NAALADL2: variants seen among roughly 807,000 people sequenced by gnomAD.
NAALADL2 encodes the protein N-acetylated alpha-linked acidic dipeptidase like 2.
Under a neutral mutation model 87.2 loss-of-function variants are expected in NAALADL2, and 76 were observed. The ratio of observed to expected loss-of-function variants is 0.87; its 90% confidence interval spans 0.72 to 1.05. NAALADL2 has a LOEUF of 1.05. Ranked by LOEUF, NAALADL2 falls within the 50% of genes least tolerant of loss-of-function variation. NAALADL2 has a pLI of 0.00. For synonymous variants in NAALADL2, 354 were observed against 331.0 expected (o/e 1.07, Z -0.75); for missense variants, 1,089 against 945.8 (o/e 1.15, Z -1.99).
In NAALADL2 at chr3:175,096,945, G is replaced by A. The variant is rs575042775; in HGVS notation, c.199G>A (p.Asp67Asn). The A allele has an allele frequency of 1.2e-5, 20 of 1,613,366 alleles. No individual in the cohort carries two copies. The highest frequency in any genetic ancestry group is 1.5e-5 in the Non-Finnish European group (18 of 1,179,650). Residue 67 changes from aspartate to asparagine, a missense_variant, in exon 2 of 14, where the codon GAC becomes AAC. Asp to Asn is a conservative substitution (Grantham distance 23, BLOSUM62 1). Coordinates refer to ENST00000454872, the MANE Select transcript of NAALADL2 (RefSeq NM_207015.3). The part of the protein sequence containing the change: ...EESGFDQFQL[D>N]GAENQNLGHS... Reference sequence around the variant, plus strand: ...GTCTGGTTTTGACCAATTCCAGCTAGACGGTGCTGAGAATCAGAACCTAGG... The same window carrying A: ...GTCTGGTTTTGACCAATTCCAGCTAAACGGTGCTGAGAATCAGAACCTAGG...
At chr3:175,467,674 C>T (rs1181661317) in intron 8 of NAALADL2, among the ~76,000 whole-genome samples, 2 of 152,094 alleles carry the variant, frequency 1.3e-5, no homozygotes, top group African/African-American at 4.8e-5. Context: ...TTTACCACTC[C>T]ACTCTTTCAC....
At position 175,343,587 on chromosome 3, in the gene NAALADL2, C is replaced by A. The variant is rs1762786715; in HGVS notation, c.1090+19262C>A. On this transcript the variant is annotated intron_variant, in intron 5 of 13. Coordinates refer to ENST00000454872, the MANE Select transcript of NAALADL2 (RefSeq NM_207015.3). Reference sequence around the variant, plus strand: ...GGTGATTTCTAGTTCACTGCGCCACCTGGTCTTTCATGCATTATGTGTAAG... The same window carrying A: ...GGTGATTTCTAGTTCACTGCGCCACATGGTCTTTCATGCATTATGTGTAAG... Among the ~76,000 whole-genome samples the A allele has an allele frequency of 2.0e-5, 3 of 146,882 alleles. No individual in the cohort carries two copies. The South Asian group carries it at 6.5e-4, about 32-fold the overall frequency.
At chr3:174,833,492 T>C (rs114678047) in intron 3 of NAALADL2, among the ~76,000 whole-genome samples, 2,897 of 152,208 alleles carry the variant, frequency 0.019, 98 homozygotes, top group African/African-American at 0.066. Context: ...GGATGAAATA[T>C]CAGTTCTGCA....
chr3:174,912,653 A>AT (rs1733858306), intron 1 of NAALADL2, among the ~76,000 whole-genome samples: 1 of 152,168 alleles, frequency 6.6e-6, no homozygotes, highest in Admixed American at 6.5e-5. Context: ...ATGGCTTTCA[A>AT]TGTTCCTAAG....
chr3:175,171,629 T>C (rs559149039), intron 2 of NAALADL2, among the ~76,000 whole-genome samples: 2 of 152,176 alleles, frequency 1.3e-5, no homozygotes, highest in South Asian at 2.1e-4. Context: ...AAAAGCAGAG[T>C]TGTTATTTCT....
At chr3:175,366,976 G>A (rs1448601963) in intron 5 of NAALADL2, among the ~76,000 whole-genome samples, 1 of 151,322 alleles carries the variant, frequency 6.6e-6, no homozygotes, top group Non-Finnish European at 1.5e-5. Flanking sequence ...TTTCTTCTAG[G>A]GTTTTTATGG....
chr3:174,893,334 T>C (rs1381155908), intron 1 of NAALADL2, among the ~76,000 whole-genome samples: 2 of 147,774 alleles, frequency 1.4e-5, no homozygotes, highest in South Asian at 2.2e-4. Flanking sequence ...AAAGTTATTA[T>C]TGAGCAATAA....
At chr3:175,243,856 C>A (rs1470255506) in intron 3 of NAALADL2, among the ~76,000 whole-genome samples, 1 of 152,104 alleles carries the variant, frequency 6.6e-6, no homozygotes, top group Non-Finnish European at 1.5e-5. Context: ...CTCCACAGAA[C>A]TAATGGAAAA....
intron 3 of NAALADL2, among the ~76,000 whole-genome samples, chr3:175,238,169 C>T (rs1746233281): frequency 6.6e-6 from 1 of 151,904 alleles, no homozygotes; most frequent in Admixed American, 6.6e-5. Context: ...AAAATAAAAT[C>T]AACCTCTACT....
intron 2 of NAALADL2, among the ~76,000 whole-genome samples, chr3:174,726,909 C>T (rs1314312593): frequency 6.6e-6 from 1 of 152,100 alleles, no homozygotes; most frequent in East Asian, 1.9e-4. Context: ...TATCTCCATG[C>T]TAGCCCCTTT....
At chr3:174,629,717 AT>A (rs1346426371) in intron 2 of NAALADL2, among the ~76,000 whole-genome samples, 2 of 152,072 alleles carry the variant, frequency 1.3e-5, no homozygotes, top group African/African-American at 4.8e-5. Flanking sequence ...CCTCATCTCT[AT>A]TTGAGCTTTT....
intron 1 of NAALADL2, among the ~76,000 whole-genome samples, chr3:174,482,665 C>A (rs542499105): frequency 3.4e-4 from 52 of 151,988 alleles, no homozygotes; most frequent in Non-Finnish European, 6.8e-4. Context: ...CATTTCACCA[C>A]TCTCCCCTCC....
intron 5 of NAALADL2, among the ~76,000 whole-genome samples, chr3:175,383,324 T>C (rs1767998697): frequency 6.6e-6 from 1 of 152,022 alleles, no homozygotes; most frequent in Non-Finnish European, 1.5e-5. Flanking sequence ...TTTATGTAAC[T>C]ATGGGGCACA....
chr3:174,788,708 A>T (rs566605208), intron 3 of NAALADL2, among the ~76,000 whole-genome samples: 1 of 152,284 alleles, frequency 6.6e-6, no homozygotes, highest in South Asian at 2.1e-4. Flanking sequence ...AAGTCAGCCC[A>T]TAATAGGATT....
At chr3:174,937,683 G>A (rs1737902129) in intron 1 of NAALADL2, among the ~76,000 whole-genome samples, 1 of 152,004 alleles carries the variant, frequency 6.6e-6, no homozygotes, top group Admixed American at 6.6e-5. Context: ...GACTATTGCT[G>A]ATCTCATCTG....
At chr3:175,085,234 A>G (rs996917561) in intron 1 of NAALADL2, among the ~76,000 whole-genome samples, 7 of 152,148 alleles carry the variant, frequency 4.6e-5, no homozygotes, top group Non-Finnish European at 1.0e-4. Context: ...CTGTCTCTTA[A>G]TAGTAACTTC....
chr3:175,196,630 T>C (rs915590091), intron 2 of NAALADL2, among the ~76,000 whole-genome samples: 1 of 151,998 alleles, frequency 6.6e-6, no homozygotes, highest in Non-Finnish European at 1.5e-5. Flanking sequence ...TATTATTCTA[T>C]AGATATGCCT....
chr3:174,450,856 T>G (rs1172207211), intron 1 of NAALADL2, among the ~76,000 whole-genome samples: 2 of 103,984 alleles, frequency 1.9e-5, no homozygotes, highest in Non-Finnish European at 3.4e-5. Context: ...GGCAACAGAA[T>G]GAGACTCTGT....
At chr3:175,340,624 A>C (rs1297206345) in intron 5 of NAALADL2, among the ~76,000 whole-genome samples, 1 of 152,150 alleles carries the variant, frequency 6.6e-6, no homozygotes, top group Non-Finnish European at 1.5e-5. Flanking sequence ...TGGCTTCTTC[A>C]ACTGGCCCTA....
Sources: gnomAD v4.1 joint callset for allele counts (sites outside exome capture counted in the v4.1 genomes callset) on GRCh38, gnomAD v4.1.1 for gene constraint, MANE v1.5 for transcripts, NCBI Gene and HGNC (gene_info 2026-07-23, HGNC 2026-07-21) for gene names.